SP3: variants seen among roughly 807,000 people sequenced by gnomAD.
SP3 encodes Sp3 transcription factor.
SP3 carries 10 observed loss-of-function variants against 70.3 expected under a neutral mutation model. That is an observed-to-expected ratio of 0.14 (90% CI 0.09 to 0.24). The LOEUF (loss-of-function observed/expected upper bound fraction) is 0.24, where lower values mean the gene tolerates loss of function less well. Among genes scored for constraint, SP3 ranks in the 10% least tolerant of loss-of-function variants. The pLI, the probability that SP3 is intolerant of heterozygous loss-of-function variation, is 1.00. For missense variants in SP3, 825 were observed against 914.6 expected (o/e 0.90, Z 1.26); for synonymous variants, 402 against 333.5 (o/e 1.21, Z -2.24).
At chr2:173,961,607 G>T (rs1011772282) in intron 3 of SP3, among the ~76,000 whole-genome samples, 1 of 152,018 alleles carries the variant, frequency 6.6e-6, no homozygotes, top group Admixed American at 6.5e-5. Context: ...CTGGATGAAG[G>T]GTATGAGATT....
chr2:173,947,785 A>ATT (rs1262451165), intron 4 of SP3, among the ~76,000 whole-genome samples: 3 of 152,030 alleles, frequency 2.0e-5, no homozygotes, highest in Non-Finnish European at 2.9e-5. Context: ...CTTGAATACA[A>ATT]TTTTTTTCTT....
At chr2:173,923,810 C>T (rs1689830116) in intron 4 of SP3, among the ~76,000 whole-genome samples, 1 of 151,620 alleles carries the variant, frequency 6.6e-6, no homozygotes, top group South Asian at 2.1e-4. Context: ...ATTTTATTTA[C>T]ATTTTCCCTT....
At chr2:173,911,142 T>C (rs1377107952) in intron 6 of SP3, among the ~76,000 whole-genome samples, 1 of 152,166 alleles carries the variant, frequency 6.6e-6, no homozygotes, top group Non-Finnish European at 1.5e-5. Context: ...TATACTGCAG[T>C]CACATCCTAG....
intron 4 of SP3, among the ~76,000 whole-genome samples, chr2:173,922,322 A>G (rs1689779170): frequency 6.6e-6 from 1 of 151,952 alleles, no homozygotes; most frequent in African/African-American, 2.4e-5. Flanking sequence ...AGCAACTAGA[A>G]AGATGGAGTT....
At chr2:173,915,708 A>C (rs1437603359) in intron 5 of SP3, 5 of 152,108 alleles carry the variant, frequency 3.3e-5, no homozygotes, top group Admixed American at 3.3e-4. Context: ...TGTTTAATCC[A>C]TACAAAACCT....
At chr2:173,936,719 C>T (rs1559099902) in intron 4 of SP3, among the ~76,000 whole-genome samples, 1 of 152,076 alleles carries the variant, frequency 6.6e-6, no homozygotes, top group Non-Finnish European at 1.5e-5. Flanking sequence ...TGCTAATAAG[C>T]ATTTTTATAA....
In SP3 at chr2:173,904,105, C is replaced by T. The variant is rs1012193793; in HGVS notation, c.*5836G>A. ...GATCCCTCGCATGCGGGGTTCACAA[C>T]GGGGTTCGCACTCCTATGAGAATCT... On this transcript the variant is annotated 3_prime_UTR_variant, in exon 7 of 7. Coordinates refer to ENST00000310015, the MANE Select transcript of SP3 (RefSeq NM_003111.5). 1.3e-5 allele frequency among the ~76,000 whole-genome samples: 2 copies of T among 152,108 alleles called. No homozygotes were observed. Among genetic ancestry groups the T allele is most frequent in the East Asian group, 1.9e-4 (1 of 5,186 alleles).
chr2:173,917,592 T>G (rs1293481138), intron 5 of SP3, among the ~76,000 whole-genome samples: 1 of 152,144 alleles, frequency 6.6e-6, no homozygotes, highest in African/African-American at 2.4e-5. Context: ...AAAAGCTCTA[T>G]TAGATCAAGT....
chr2:173,965,644 C>T, upstream of SP3: 1 of 200,960 alleles, frequency 5.0e-6, no homozygotes, highest in Non-Finnish European at 1.0e-5. Context: ...ACCTTGCAGG[C>T]GCTCGGAGCA....
In SP3 at chr2:173,955,219, T is replaced by C; in HGVS notation, c.1293A>G (p.Ile431Met). 1 of 1,614,196 alleles carries C rather than the reference T, an allele frequency of 6.2e-7. No individual in the cohort carries two copies. Among genetic ancestry groups the C allele is most frequent in the Non-Finnish European group, 8.5e-7 (1 of 1,180,026 alleles). The change falls in exon 4 of 7, where the codon ATA becomes ATG. Residue 431 changes from isoleucine to methionine, a missense_variant. By Grantham distance (10) the Ile-to-Met change is conservative. This residue lies in a region of SP3 where 678 missense variants were observed against 651.6 expected (regional missense o/e 1.04). Transcript: ENST00000310015. ...GAAGATTTTGCAAAGCCTGTTGTGA[T>C]ATATTTTGACCACTGGCTTGCACAC... Reference protein sequence around the residue: ...IHGVQASGQNISQQALQNLQL... With the variant: ...IHGVQASGQNMSQQALQNLQL...
intron 4 of SP3, among the ~76,000 whole-genome samples, chr2:173,933,654 A>ATT (rs1224601283): frequency 7.1e-6 from 1 of 141,368 alleles, no homozygotes; most frequent in Non-Finnish European, 1.5e-5. Context: ...ATATATATAT[A>ATT]TATATATATA....
chr2:173,957,807 A>G lies in SP3; in HGVS notation c.280-1575T>C, dbSNP rs139945961. On this transcript the variant is annotated intron_variant, in intron 3 of 6. Transcript: ENST00000310015. Reference sequence around the variant, plus strand: ...AAAGGCTGAGAAATTGTGGAACCCAATACAAATCTCTAGGCCTGAACTATA... The same window carrying G: ...AAAGGCTGAGAAATTGTGGAACCCAGTACAAATCTCTAGGCCTGAACTATA... Among the ~76,000 whole-genome samples, 22 of 152,276 alleles carry G rather than the reference A, an allele frequency of 1.4e-4. 1 individual carries two copies. The East Asian group carries it at 4.0e-3, about 28-fold the overall frequency.
At chr2:173,930,814 A>G (rs1690046259) in intron 4 of SP3, among the ~76,000 whole-genome samples, 1 of 152,238 alleles carries the variant, frequency 6.6e-6, no homozygotes, top group Non-Finnish European at 1.5e-5. Context: ...GATAGGCTGT[A>G]ATAATATAGG....
At chr2:173,949,774 T>C (rs945803887) in intron 4 of SP3, among the ~76,000 whole-genome samples, 30 of 152,322 alleles carry the variant, frequency 2.0e-4, no homozygotes, top group African/African-American at 6.7e-4. Flanking sequence ...TTCTAAACAT[T>C]AAGTTGTTTG....
At chr2:173,963,662 G>T (rs143737169) in intron 3 of SP3, 99 bp downstream of exon 3, 2 of 288,720 alleles carry the variant, frequency 6.9e-6, no homozygotes, top group African/African-American at 2.3e-5. Context: ...CGGGTCGGGG[G>T]AAGCGCGGGC....
intron 4 of SP3, among the ~76,000 whole-genome samples, chr2:173,952,485 G>A (rs913806466): frequency 2.6e-5 from 4 of 152,154 alleles, no homozygotes; most frequent in African/African-American, 9.7e-5. Context: ...TTGCTGATGA[G>A]AATGTAAAAC....
intron 4 of SP3, among the ~76,000 whole-genome samples, chr2:173,943,583 G>A (rs72911192): frequency 0.016 from 2,394 of 152,160 alleles, 29 homozygotes; most frequent in Middle Eastern, 0.027. Context: ...CTCCCACTTC[G>A]GTATTCCAAT....
At chr2:173,935,746 C>A (rs1690190545) in intron 4 of SP3, among the ~76,000 whole-genome samples, 1 of 152,184 alleles carries the variant, frequency 6.6e-6, no homozygotes. Context: ...TCCATCTCTA[C>A]TAGCAACAAT....
intron 1 of SP3, 162 bp downstream of exon 1, chr2:173,965,003 G>T (rs2105511765): frequency 1.1e-6 from 1 of 880,284 alleles, no homozygotes; most frequent in Non-Finnish European, 1.7e-6. Context: ...GGTGGCTGGC[G>T]GGGAGGGGAG....
Sources: gnomAD v4.1 joint callset for allele counts (sites outside exome capture counted in the v4.1 genomes callset) on GRCh38, gnomAD v4.1.1 for gene constraint, gnomAD v4.1.1 regional missense constraint, MANE v1.5 for transcripts, NCBI Gene and HGNC (gene_info 2026-07-23, HGNC 2026-07-21) for gene names.